Variants in CAMK2D observed in about 807,000 individuals in gnomAD.
CAMK2D encodes calcium/calmodulin-dependent protein kinase type II subunit delta.
A neutral mutation model predicts 84.0 loss-of-function variants in CAMK2D; 37 were observed. That is an observed-to-expected ratio of 0.44 (90% CI 0.34 to 0.58). The LOEUF is 0.58. Among genes scored for constraint, CAMK2D ranks in the 20% least tolerant of loss-of-function variants. CAMK2D has a pLI of 0.02. For synonymous variants in CAMK2D, 202 were observed against 212.5 expected (o/e 0.95, Z 0.43); for missense variants, 448 against 652.5 (o/e 0.69, Z 3.41).
At chr4:113,480,522 T>C (rs1247126676) in intron 16 of CAMK2D, among the ~76,000 whole-genome samples, 1 of 152,090 alleles carries the variant, frequency 6.6e-6, no homozygotes, top group African/African-American at 2.4e-5. Context: ...TGAGTGGTTA[T>C]TAGAAGGGGA....
At chr4:113,644,396 A>G (rs1395245962) in intron 3 of CAMK2D, among the ~76,000 whole-genome samples, 1 of 152,224 alleles carries the variant, frequency 6.6e-6, no homozygotes, top group Non-Finnish European at 1.5e-5. Flanking sequence ...TCTGAAATAG[A>G]TCATCAGTTC....
chr4:113,713,069 C>A (rs2099499206), intron 2 of CAMK2D, among the ~76,000 whole-genome samples: 1 of 151,930 alleles, frequency 6.6e-6, no homozygotes, highest in Non-Finnish European at 1.5e-5. Context: ...CTCATTTTAA[C>A]CATTGAATAA....
intron 9 of CAMK2D, 94 bp from the exon 10 acceptor site, chr4:113,515,285 G>T: frequency 1.3e-6 from 1 of 758,264 alleles, no homozygotes; most frequent in South Asian, 2.1e-5. Flanking sequence ...CTCAAGTAGT[G>T]AATTTCTTCA....
chr4:113,459,989 A>T (rs77089563), intron 18 of CAMK2D, among the ~76,000 whole-genome samples, 158 bp downstream of exon 18: 21 of 151,236 alleles, frequency 1.4e-4, no homozygotes, highest in Non-Finnish European at 3.0e-4. Context: ...AGCCTGACAT[A>T]TTTTTTTTTC....
intron 3 of CAMK2D, among the ~76,000 whole-genome samples, chr4:113,652,169 C>T (rs2099175939): frequency 6.6e-6 from 1 of 152,154 alleles, no homozygotes; most frequent in Non-Finnish European, 1.5e-5. Context: ...GATTCCAACT[C>T]CACCATTTAC....
chr4:113,668,580 ATTAT>A (rs2099266749), intron 2 of CAMK2D, among the ~76,000 whole-genome samples: 1 of 152,292 alleles, frequency 6.6e-6, no homozygotes, highest in African/African-American at 2.4e-5. Flanking sequence ...TTCCATAAAA[ATTAT>A]TTATTTTACA....
At chr4:113,512,296 G>GAGTA (rs2098225126) in intron 12 of CAMK2D, among the ~76,000 whole-genome samples, 1 of 152,150 alleles carries the variant, frequency 6.6e-6, no homozygotes, top group African/African-American at 2.4e-5. Flanking sequence ...TAATTTCTTG[G>GAGTA]AGTAATATAT....
intron 15 of CAMK2D, among the ~76,000 whole-genome samples, chr4:113,500,836 C>T (rs979259387): frequency 3.9e-5 from 6 of 151,994 alleles, no homozygotes; most frequent in African/African-American, 1.2e-4. Context: ...ATAAGGTTTG[C>T]TTTTTCTGTG....
chr4:113,656,265 A>T (rs2099199718), intron 3 of CAMK2D, among the ~76,000 whole-genome samples: 1 of 152,148 alleles, frequency 6.6e-6, no homozygotes. Flanking sequence ...CACAGCAAAG[A>T]TGGAGCTTCT....
chr4:113,589,012 T>C (rs2098846651), intron 4 of CAMK2D, among the ~76,000 whole-genome samples: 2 of 152,010 alleles, frequency 1.3e-5, no homozygotes, highest in Admixed American at 1.3e-4. Flanking sequence ...GGGGAGACCA[T>C]GCAGGTTTCT....
rs550582269 is a variant in CAMK2D, at chr4:113,594,844, T to G, written c.275+14308A>C. 5.3e-4 allele frequency among the ~76,000 whole-genome samples: 81 copies of G among 152,206 alleles called. 1 individual carries two copies. Among genetic ancestry groups the G allele is most frequent in the African/African-American group, 1.8e-3 (76 of 41,526 alleles). On this transcript the variant is annotated intron_variant, in intron 4 of 20. Transcript: ENST00000511664. ...ATATGTGTAATTTGTGTAATGGGAA[T>G]AGTGGAAGGAGAAGAAAGAGAGAAA...
Position 113,457,619 on chromosome 4 carries a change from A to C in CAMK2D, c.1307-56T>G, listed in dbSNP as rs536965146. On this transcript the variant is annotated intron_variant, in intron 18 of 20. Coordinates refer to ENST00000511664, the MANE Select transcript of CAMK2D (RefSeq NM_001321571.2). ...TAGTTTCTATGTAAAGGAAACTAAA[A>C]CCAGTAATAACTTCAGTTAGGACCA... 4.5e-6 allele frequency: 6 copies of C among 1,322,894 alleles called. No homozygotes were observed. The South Asian group carries it at 7.4e-5, about 16-fold the overall frequency. 81.9% of individuals were successfully genotyped at this position (1,322,894 alleles called of 1,614,324 possible). A position where few individuals can be genotyped will look rare whatever the true frequency, so the allele number is the denominator to read the frequency against.
rs1239036676 is a variant in CAMK2D at position 113,761,156 on chromosome 4, C to G, written c.-88G>C. 4 of 1,601,930 alleles carry G rather than the reference C, an allele frequency of 2.5e-6. No homozygotes were observed. In the East Asian group the frequency reaches 6.7e-5, roughly 27 times the overall value. ...TAACCCCGGGACTGGCCCCGCGGCG[C>G]TGTCACCCAGGGCCGCTCTTACTTT... On this transcript the variant is annotated 5_prime_UTR_variant, in exon 1 of 21. Transcript: ENST00000511664.
At chr4:113,712,697 G>A (rs751550605) in intron 2 of CAMK2D, among the ~76,000 whole-genome samples, 15 of 151,322 alleles carry the variant, frequency 9.9e-5, no homozygotes, top group Non-Finnish European at 1.9e-4. Flanking sequence ...GTTTTATCAC[G>A]TAAAAAATAT....
intron 2 of CAMK2D, among the ~76,000 whole-genome samples, chr4:113,721,268 C>T (rs545927395): frequency 6.6e-6 from 1 of 152,170 alleles, no homozygotes; most frequent in African/African-American, 2.4e-5. Context: ...TTCTACAGAT[C>T]AAGTTGAGAT....
At chr4:113,458,444 A>G (rs1047858489) in intron 18 of CAMK2D, among the ~76,000 whole-genome samples, 2 of 152,252 alleles carry the variant, frequency 1.3e-5, no homozygotes, top group Non-Finnish European at 2.9e-5. Flanking sequence ...TTCAAATTAT[A>G]TAAAATATTA....
chr4:113,660,364 T>C (rs2099223981), intron 3 of CAMK2D, among the ~76,000 whole-genome samples: 1 of 152,214 alleles, frequency 6.6e-6, no homozygotes, highest in South Asian at 2.1e-4. Flanking sequence ...AAAGTCCTTT[T>C]ACTATTTCTA....
At chr4:113,589,106 G>C (rs1287973776) in intron 4 of CAMK2D, among the ~76,000 whole-genome samples, 1 of 152,084 alleles carries the variant, frequency 6.6e-6, no homozygotes, top group Admixed American at 6.6e-5. Context: ...AGGCTGTGAG[G>C]TAGGCAGTGT....
intron 3 of CAMK2D, among the ~76,000 whole-genome samples, chr4:113,615,674 G>GT (rs1554006895): frequency 1.3e-5 from 2 of 152,082 alleles, no homozygotes; most frequent in African/African-American, 2.4e-5. Context: ...AATATATGCT[G>GT]TTTTTTTGAA....
Sources: gnomAD v4.1 joint callset for allele counts (sites outside exome capture counted in the v4.1 genomes callset) on GRCh38, gnomAD v4.1.1 for gene constraint, MANE v1.5 for transcripts, NCBI Gene and HGNC (gene_info 2026-07-23, HGNC 2026-07-21) for gene names.